Variants in WDR70 observed in about 807,000 individuals in gnomAD.
WDR70 encodes WD repeat-containing protein 70.
Under a neutral mutation model 88.6 loss-of-function variants are expected in WDR70, and 53 were observed. The observed-to-expected ratio is 0.60, with a 90% CI of 0.48 to 0.75. The LOEUF (loss-of-function observed/expected upper bound fraction) is 0.75, where lower values mean the gene tolerates loss of function less well. Among genes scored for constraint, WDR70 ranks in the 30% least tolerant of loss-of-function variants. WDR70 has a pLI of 0.00. For synonymous variants in WDR70, 280 were observed against 270.0 expected (o/e 1.04, Z -0.36); for missense variants, 610 against 823.2 (o/e 0.74, Z 3.17).
chr5:37,466,961 C>T (rs1391602065), intron 7 of WDR70, among the ~76,000 whole-genome samples: 1 of 151,970 alleles, frequency 6.6e-6, no homozygotes. Flanking sequence ...TTTGACCAGG[C>T]GTGGTGGCTT....
At chr5:37,714,172 G>C (rs1429025301) in intron 13 of WDR70, among the ~76,000 whole-genome samples, 1 of 152,104 alleles carries the variant, frequency 6.6e-6, no homozygotes, top group African/African-American at 2.4e-5. Context: ...AGCTTTTCCT[G>C]TGTTTTCTTG....
chr5:37,450,598 T>C (rs780316351), intron 7 of WDR70, among the ~76,000 whole-genome samples: 4 of 152,236 alleles, frequency 2.6e-5, no homozygotes, highest in African/African-American at 7.2e-5. Context: ...AGCCTCAGTA[T>C]ACCTGTAAAG....
intron 10 of WDR70, among the ~76,000 whole-genome samples, chr5:37,626,731 T>G (rs976848251): frequency 6.6e-6 from 1 of 152,220 alleles, no homozygotes; most frequent in Non-Finnish European, 1.5e-5. Flanking sequence ...AATTCAGCAG[T>G]AAAGCCGTCT....
chr5:37,682,163 G>A (rs551151339), intron 10 of WDR70, among the ~76,000 whole-genome samples: 10 of 152,064 alleles, frequency 6.6e-5, no homozygotes, highest in South Asian at 2.1e-4. Context: ...TTGGTAGGTT[G>A]TATGTGTCCA....
intron 6 of WDR70, among the ~76,000 whole-genome samples, chr5:37,439,213 C>T (rs535127711): frequency 3.3e-4 from 50 of 152,198 alleles, no homozygotes; most frequent in Middle Eastern, 6.8e-3. Context: ...CCACCGTTCC[C>T]GGCTTGGAGT....
chr5:37,431,880 C>T (rs180733127), intron 5 of WDR70, among the ~76,000 whole-genome samples: 21 of 152,122 alleles, frequency 1.4e-4, no homozygotes, highest in Admixed American at 4.6e-4. Context: ...TAGCATGTGT[C>T]GGAATTTTCT....
At chr5:37,602,958 T>C (rs562923122) in intron 9 of WDR70, among the ~76,000 whole-genome samples, 2 of 152,072 alleles carry the variant, frequency 1.3e-5, no homozygotes, top group East Asian at 3.9e-4. Flanking sequence ...GCCTGGGCGA[T>C]AGAGCGAGAC....
At chr5:37,554,676 A>ACG (rs113185133) in intron 9 of WDR70, among the ~76,000 whole-genome samples, 4,093 of 102,132 alleles carry the variant, frequency 0.04, 181 homozygotes, top group African/African-American at 0.16. Flanking sequence ...ATGCACCTGC[A>ACG]CGCACACACA....
At chr5:37,567,956 A>G (rs528791233) in intron 9 of WDR70, among the ~76,000 whole-genome samples, 1 of 152,332 alleles carries the variant, frequency 6.6e-6, no homozygotes, top group East Asian at 1.9e-4. Flanking sequence ...GAAGATCTGC[A>G]TGCTTTTAAG....
chr5:37,705,882 G>A (rs55759352), intron 13 of WDR70, among the ~76,000 whole-genome samples: 3,226 of 152,192 alleles, frequency 0.021, 130 homozygotes, highest in African/African-American at 0.073. Flanking sequence ...TATCCTAGAT[G>A]TGTTCATTTA....
intron 10 of WDR70, among the ~76,000 whole-genome samples, chr5:37,617,507 T>A (rs948213805): frequency 1.3e-5 from 2 of 152,226 alleles, no homozygotes; most frequent in Admixed American, 1.3e-4. Flanking sequence ...TCATGTGCAG[T>A]GGAACTTTTA....
chr5:37,601,256 G>T (rs959267455), intron 9 of WDR70, among the ~76,000 whole-genome samples: 4 of 152,132 alleles, frequency 2.6e-5, no homozygotes, highest in Non-Finnish European at 5.9e-5. Context: ...TTTATCAAAT[G>T]CTTTTTCTGC....
At chr5:37,701,247 AGAGACTT>A (rs1279045771) in intron 12 of WDR70, 105 bp downstream of exon 12, 2 of 702,758 alleles carry the variant, frequency 2.8e-6, no homozygotes, top group African/African-American at 3.7e-5. Flanking sequence ...CTTCTGGAAA[AGAGACTT>A]GAGAGAGTGA....
intron 13 of WDR70, among the ~76,000 whole-genome samples, chr5:37,703,550 C>T (rs1017536457): frequency 5.3e-5 from 8 of 152,174 alleles, no homozygotes; most frequent in African/African-American, 1.7e-4. Flanking sequence ...TTGCGCTGAA[C>T]TTAATTGCTA....
chr5:37,421,414 C>T (rs1487753691), intron 5 of WDR70, among the ~76,000 whole-genome samples: 2 of 152,186 alleles, frequency 1.3e-5, no homozygotes, highest in Non-Finnish European at 2.9e-5. Flanking sequence ...TCTATGTAAG[C>T]TGTGACGCTT....
chr5:37,639,130 G>A (rs1464855634), intron 10 of WDR70, among the ~76,000 whole-genome samples: 1 of 152,140 alleles, frequency 6.6e-6, no homozygotes, highest in African/African-American at 2.4e-5. Context: ...CATTGTGTCA[G>A]AGCTTTGAAA....
At chr5:37,629,692 T>G (rs1233379075) in intron 10 of WDR70, among the ~76,000 whole-genome samples, 3 of 152,226 alleles carry the variant, frequency 2.0e-5, no homozygotes, top group Non-Finnish European at 4.4e-5. Flanking sequence ...TTCCTGATTT[T>G]GTTGAATTGT....
At chr5:37,514,552 G>A (rs962435046) in intron 8 of WDR70, among the ~76,000 whole-genome samples, 2 of 151,068 alleles carry the variant, frequency 1.3e-5, no homozygotes, top group Admixed American at 1.3e-4. Context: ...CTTCCACCCT[G>A]CACCCCCGAG....
At chr5:37,527,016 G>T (rs1335054989) in intron 9 of WDR70, among the ~76,000 whole-genome samples, 1 of 152,144 alleles carries the variant, frequency 6.6e-6, no homozygotes, top group Non-Finnish European at 1.5e-5. Flanking sequence ...CCATGCTCAT[G>T]GGTAGGAAGA....
Sources: allele counts gnomAD v4.1 joint callset (sites outside exome capture counted in the v4.1 genomes callset), GRCh38; gene constraint gnomAD v4.1.1; transcripts MANE v1.5; gene names NCBI Gene and HGNC (gene_info 2026-07-23, HGNC 2026-07-21).